Variants in KIF26B observed in about 807,000 individuals in gnomAD.
KIF26B encodes the protein kinesin-like protein KIF26B.
In KIF26B, 63 loss-of-function variants were observed where a neutral mutation model predicts 151.2. That is an observed-to-expected ratio of 0.42 (90% CI 0.34 to 0.51). The LOEUF (loss-of-function observed/expected upper bound fraction) is 0.51, where lower values mean the gene tolerates loss of function less well. Among genes scored for constraint, KIF26B ranks in the 20% least tolerant of loss-of-function variants. The probability of loss-of-function intolerance (pLI) is 0.07; values close to 1 mark genes in which losing one functional copy is unlikely to be tolerated. For synonymous variants in KIF26B, 1,357 were observed against 1,262.1 expected (o/e 1.08, Z -1.59); for missense variants, 2,813 against 2,913.6 (o/e 0.97, Z 0.79).
chr1:245,321,551 A>G (rs1039958912), intron 2 of KIF26B, among the ~76,000 whole-genome samples: 3 of 152,334 alleles, frequency 2.0e-5, no homozygotes, highest in Non-Finnish European at 4.4e-5. Flanking sequence ...TTTCAGTTCT[A>G]GTGTAGCCTA....
intron 2 of KIF26B, among the ~76,000 whole-genome samples, chr1:245,169,309 C>T (rs1322173755): frequency 1.6e-5 from 2 of 126,052 alleles, no homozygotes; most frequent in Non-Finnish European, 3.5e-5. Context: ...TCCATGCACT[C>T]GACTTTCTAA....
intron 5 of KIF26B, among the ~76,000 whole-genome samples, chr1:245,577,904 T>A (rs1382920102): frequency 1.3e-5 from 2 of 148,384 alleles, no homozygotes; most frequent in Non-Finnish European, 3.0e-5. Context: ...CTCCGGGCGA[T>A]GCTTCCCCTA....
rs1445557742 is a variant in KIF26B, at chr1:245,404,477, A to G, written c.1000-15102A>G. On this transcript the variant is annotated intron_variant, in intron 3 of 14. Transcript: ENST00000407071. ...TGGTTCCGGTTTATTAGCTCGGGGAATCTCGTTAGATATCCTCACAATAAG... is the reference window on the plus strand; with the variant it reads ...TGGTTCCGGTTTATTAGCTCGGGGAGTCTCGTTAGATATCCTCACAATAAG... Among the ~76,000 whole-genome samples the G allele has an allele frequency of 2.0e-5, 3 of 152,154 alleles. No individual in the cohort carries two copies. The South Asian group carries it at 6.2e-4, about 32-fold the overall frequency.
intron 2 of KIF26B, among the ~76,000 whole-genome samples, chr1:245,188,340 C>T (rs903493679): frequency 1.3e-5 from 2 of 148,242 alleles, no homozygotes; most frequent in Non-Finnish European, 3.0e-5. Flanking sequence ...GGGGTGTGGT[C>T]GGTGAAGCCG....
chr1:245,341,268 T>C (rs1672326797), intron 2 of KIF26B, among the ~76,000 whole-genome samples: 1 of 149,224 alleles, frequency 6.7e-6, no homozygotes, highest in African/African-American at 2.4e-5. Context: ...TCCTGGGAGC[T>C]TTAACTGGAA....
intron 2 of KIF26B, among the ~76,000 whole-genome samples, chr1:245,161,021 T>G (rs1001492226): frequency 6.6e-6 from 1 of 152,230 alleles, no homozygotes; most frequent in African/African-American, 2.4e-5. Flanking sequence ...TTCGAGTACT[T>G]ATTAATTATA....
intron 4 of KIF26B, among the ~76,000 whole-genome samples, chr1:245,438,519 C>CCAGA (rs1412346864): frequency 2.0e-5 from 3 of 151,998 alleles, no homozygotes; most frequent in Non-Finnish European, 4.4e-5. Flanking sequence ...CTTATACCAC[C>CCAGA]CAGACCTTTC....
intron 2 of KIF26B, among the ~76,000 whole-genome samples, chr1:245,207,041 G>A (rs1282793172): frequency 2.0e-5 from 3 of 152,136 alleles, no homozygotes; most frequent in Non-Finnish European, 2.9e-5. Context: ...TAGGGTCCTC[G>A]GAGAGAGAAG....
At chr1:245,348,364 C>A (rs1672500397) in intron 2 of KIF26B, among the ~76,000 whole-genome samples, 1 of 152,122 alleles carries the variant, frequency 6.6e-6, no homozygotes, top group Admixed American at 6.5e-5. Context: ...GACTGTTGGT[C>A]TTAGTCTGCT....
At chr1:245,251,195 A>G (rs1347273921) in intron 2 of KIF26B, among the ~76,000 whole-genome samples, 1 of 152,202 alleles carries the variant, frequency 6.6e-6, no homozygotes, top group Admixed American at 6.5e-5. Context: ...GATTCTCAGA[A>G]GGTAAGCAGG....
chr1:245,694,944 G>A (rs1460727593), intron 12 of KIF26B, among the ~76,000 whole-genome samples: 10 of 152,216 alleles, frequency 6.6e-5, no homozygotes, highest in South Asian at 4.1e-4. Flanking sequence ...ACCCACCGGC[G>A]TCAGCAGGAG....
intron 5 of KIF26B, among the ~76,000 whole-genome samples, chr1:245,541,384 GC>G (rs1191438580): frequency 1.3e-5 from 2 of 152,222 alleles, no homozygotes; most frequent in African/African-American, 4.8e-5. Context: ...CTTTGAAGCA[GC>G]CCACTGAGGG....
At chr1:245,533,078 C>G (rs547976416) in intron 4 of KIF26B, among the ~76,000 whole-genome samples, 22 of 152,152 alleles carry the variant, frequency 1.4e-4, no homozygotes, top group Non-Finnish European at 3.2e-4. Flanking sequence ...TTACCTTCTC[C>G]CACTGTGTCA....
intron 10 of KIF26B, among the ~76,000 whole-genome samples, chr1:245,678,667 T>G (rs149768374): frequency 0.012 from 1,819 of 151,932 alleles, 27 homozygotes; most frequent in African/African-American, 0.039. Flanking sequence ...ATTGAGACCA[T>G]CGTGGCCAAC....
intron 12 of KIF26B, among the ~76,000 whole-genome samples, chr1:245,689,367 CCT>C: frequency 6.6e-6 from 1 of 152,274 alleles, no homozygotes; most frequent in Admixed American, 6.5e-5. Flanking sequence ...ACCCTGGCAG[CCT>C]CTCTCAGGGA....
chr1:245,682,260 A>G (rs935477838), intron 10 of KIF26B, among the ~76,000 whole-genome samples: 5 of 151,956 alleles, frequency 3.3e-5, no homozygotes, highest in South Asian at 2.1e-4. Context: ...AAAAAGAAAG[A>G]AAAAAAAAGT....
At chr1:245,350,004 C>T (rs2102999967) in intron 2 of KIF26B, among the ~76,000 whole-genome samples, 1 of 152,232 alleles carries the variant, frequency 6.6e-6, no homozygotes, top group South Asian at 2.1e-4. Context: ...AACCTCCTGA[C>T]CACATCATTG....
intron 4 of KIF26B, among the ~76,000 whole-genome samples, chr1:245,506,764 T>C (rs1660735031): frequency 6.6e-6 from 1 of 152,208 alleles, no homozygotes; most frequent in African/African-American, 2.4e-5. Context: ...CACTGCAACC[T>C]CCACCTCCTG....
intron 2 of KIF26B, among the ~76,000 whole-genome samples, chr1:245,294,105 G>T (rs748641832): frequency 5.3e-5 from 8 of 152,164 alleles, no homozygotes; most frequent in Non-Finnish European, 1.2e-4. Context: ...GTCCTGAGGG[G>T]CTGTGTACAC....
Sources: gnomAD v4.1 joint callset for allele counts (sites outside exome capture counted in the v4.1 genomes callset) on GRCh38, gnomAD v4.1.1 for gene constraint, MANE v1.5 for transcripts, NCBI Gene and HGNC (gene_info 2026-07-23, HGNC 2026-07-21) for gene names.